ANXA6: variants seen among roughly 807,000 people sequenced by gnomAD.
The protein encoded by ANXA6 is 67 kDa calelectrin.
A neutral mutation model predicts 95.4 loss-of-function variants in ANXA6; 71 were observed. The ratio of observed to expected loss-of-function variants is 0.74; its 90% CI spans 0.61 to 0.91. The LOEUF is 0.91. ANXA6 is among the 40% of genes least tolerant of loss of function. The pLI is 0.00. For missense variants in ANXA6, 830 were observed against 876.4 expected (o/e 0.95, Z 0.67); for synonymous variants, 289 against 315.9 (o/e 0.91, Z 0.90).
intron 10 of ANXA6, among the ~76,000 whole-genome samples, 168 bp downstream of exon 10, chr5:151,132,308 A>C (rs896141627): frequency 1.3e-5 from 2 of 152,148 alleles, no homozygotes; most frequent in Non-Finnish European, 2.9e-5. Flanking sequence ...TCCCGTCCCC[A>C]GCCTCAGCCA....
intron 5 of ANXA6, 36 bp downstream of exon 5, chr5:151,138,642 C>G (rs879010036): frequency 1.3e-6 from 2 of 1,492,012 alleles, no homozygotes; most frequent in African/African-American, 2.7e-5. Flanking sequence ...TTAACCACAT[C>G]CCCACCCCAA....
At chr5:151,124,134 T>C (rs951525202) in intron 15 of ANXA6, among the ~76,000 whole-genome samples, 152 bp downstream of exon 15, 2 of 152,156 alleles carry the variant, frequency 1.3e-5, no homozygotes, top group African/African-American at 4.8e-5. Context: ...CTCTATACTC[T>C]GGGAGCTAGG....
At chr5:151,136,137 C>G in intron 7 of ANXA6, 119 bp downstream of exon 7, 1 of 871,992 alleles carries the variant, frequency 1.1e-6, no homozygotes, top group Admixed American at 2.3e-5. Context: ...TAGCCAAATA[C>G]ACCTGCCTGT....
chr5:151,102,144 T>C (rs755694300), intron 25 of ANXA6, among the ~76,000 whole-genome samples: 3 of 152,196 alleles, frequency 2.0e-5, no homozygotes, highest in Non-Finnish European at 4.4e-5. Context: ...ACCCATGGTA[T>C]GGTATGGATC....
rs1319601322 is a variant in ANXA6 at position 151,128,058 on chromosome 5, G to A, written c.977+123C>T. On this transcript the variant is annotated intron_variant, in intron 13 of 25. Transcript: ENST00000354546. ...AGCAAAAGCCGCCTTTCACTTGTGCGACGCTCCTGGCTCAGGGGAATCCCC... is the reference window on the plus strand; with the variant it reads ...AGCAAAAGCCGCCTTTCACTTGTGCAACGCTCCTGGCTCAGGGGAATCCCC... The A allele has an allele frequency of 7.9e-5, 66 of 837,116 alleles. 1 individual carries two copies. The East Asian group carries it at 1.6e-3, about 20-fold the overall frequency. The allele number at this position is 837,116 out of a possible 1,614,324, so 51.9% of individuals were successfully genotyped here. A position where few individuals can be genotyped will look rare whatever the true frequency, so the allele number is the denominator to read the frequency against.
intron 11 of ANXA6, 147 bp downstream of exon 11, chr5:151,131,084 A>G (rs1405733747): frequency 1.3e-6 from 1 of 754,056 alleles, no homozygotes; most frequent in Non-Finnish European, 2.2e-6. Context: ...CTGGCTCTAC[A>G]GCTCACCTGC....
At chr5:151,145,825 C>T (rs1370708514) in intron 2 of ANXA6, among the ~76,000 whole-genome samples, 1 of 152,156 alleles carries the variant, frequency 6.6e-6, no homozygotes, top group Non-Finnish European at 1.5e-5. Flanking sequence ...ATTACTTTTA[C>T]TCCCCTGAGC....
At chr5:151,142,192 A>T (rs1037068005) in intron 2 of ANXA6, among the ~76,000 whole-genome samples, 2 of 152,246 alleles carry the variant, frequency 1.3e-5, no homozygotes, top group African/African-American at 4.8e-5. Context: ...TGGAGAAACA[A>T]GAGGTGCCTG....
chr5:151,157,609 T>G (rs975952976), intron 1 of ANXA6, 71 bp downstream of exon 1: 2 of 152,782 alleles, frequency 1.3e-5, no homozygotes, highest in Admixed American at 1.3e-4. Context: ...GGGCGCTTAT[T>G]TCTTGTGTCC....
At chr5:151,143,637 T>C in intron 2 of ANXA6, among the ~76,000 whole-genome samples, 1 of 152,030 alleles carries the variant, frequency 6.6e-6, no homozygotes, top group South Asian at 2.1e-4. Context: ...GATACGATGC[T>C]AAGGGCAGCA....
At chr5:151,145,469 G>A (rs140736634) in intron 2 of ANXA6, among the ~76,000 whole-genome samples, 73 of 152,304 alleles carry the variant, frequency 4.8e-4, no homozygotes, top group African/African-American at 1.6e-3. Context: ...GTCTTCCATG[G>A]CACCATCCTA....
In ANXA6 at chr5:151,128,190, C is replaced by T. The variant is rs780502990; in HGVS notation, c.968G>A (p.Gly323Glu). 7 of 1,612,260 alleles carry T rather than the reference C, an allele frequency of 4.3e-6. No homozygotes were observed. The highest frequency in any genetic ancestry group is 1.6e-4 in the Middle Eastern group (1 of 6,062). ...YKKTLLKLSG[G>E]DDDAAGQFFP... Reference sequence around the variant, plus strand: ...CCAAGAAGCCACTTACTCATCATCTCCCCCAGACAGCTTCAGCAGAGTCTT... The same window carrying T: ...CCAAGAAGCCACTTACTCATCATCTTCCCCAGACAGCTTCAGCAGAGTCTT... Residue 323 changes from glycine (G) to glutamate (E), a missense_variant, in exon 13 of 26, where the codon GGA (glycine) becomes GAA (glutamate). Coordinates refer to ENST00000354546, the MANE Select transcript of ANXA6 (RefSeq NM_001155.5).
At chr5:151,143,089 G>A (rs1319388659) in intron 2 of ANXA6, among the ~76,000 whole-genome samples, 6 of 152,228 alleles carry the variant, frequency 3.9e-5, no homozygotes, top group Non-Finnish European at 7.3e-5. Flanking sequence ...AAATGAGGAA[G>A]GTAGGTCTAT....
intron 1 of ANXA6, among the ~76,000 whole-genome samples, chr5:151,157,455 A>T (rs1416091390): frequency 6.6e-6 from 1 of 150,844 alleles, no homozygotes; most frequent in African/African-American, 2.4e-5. Flanking sequence ...CCCCCTAGCC[A>T]GGGCGCCCTC....
intron 18 of ANXA6, among the ~76,000 whole-genome samples, chr5:151,118,320 G>C (rs991955446): frequency 6.6e-6 from 1 of 151,450 alleles, no homozygotes; most frequent in African/African-American, 2.4e-5. Context: ...AGTGCAGTTG[G>C]CATGATCAAG....
At chr5:151,124,527 C>A (rs1044731722) in intron 14 of ANXA6, among the ~76,000 whole-genome samples, 160 bp from the exon 15 acceptor site, 1 of 150,144 alleles carries the variant, frequency 6.7e-6, no homozygotes, top group Non-Finnish European at 1.5e-5. Context: ...ACAGACCCTG[C>A]ACGAGAGCTG....
chr5:151,122,436 A>G (rs1169327771), intron 16 of ANXA6, among the ~76,000 whole-genome samples, 176 bp from the exon 17 acceptor site: 1 of 152,158 alleles, frequency 6.6e-6, no homozygotes, highest in Non-Finnish European at 1.5e-5. Flanking sequence ...GTAGGGAAAA[A>G]ACAACCAGGA....
chr5:151,148,690 C>G (rs548864445), intron 1 of ANXA6, among the ~76,000 whole-genome samples: 1 of 152,286 alleles, frequency 6.6e-6, no homozygotes, highest in African/African-American at 2.4e-5. Flanking sequence ...AAAGACAAGG[C>G]TTGGTCAGGA....
chr5:151,122,944 C>A lies in ANXA6; in HGVS notation c.1206G>T (p.Arg402=). The A allele has an allele frequency of 1.2e-6, 2 of 1,613,938 alleles. No individual in the cohort carries two copies. Among genetic ancestry groups the A allele is most frequent in the Non-Finnish European group, 1.7e-6 (2 of 1,179,878 alleles). ...GGCCAAAGTGAGACTTGAAGGTCTG[C>A]CGGATCTGCTGCCGCTGGACATTGC... ...HRSNVQRQQI[R]QTFKSHFGRD... is the part of the protein sequence containing the mutation. Residue 402 remains arginine (R), a synonymous_variant, in exon 16 of 26, where the codon CGG becomes CGT. Transcript: ENST00000354546.
Sources: allele counts gnomAD v4.1 joint callset (sites outside exome capture counted in the v4.1 genomes callset), GRCh38; gene constraint gnomAD v4.1.1; transcripts MANE v1.5; gene names NCBI Gene and HGNC (gene_info 2026-07-23, HGNC 2026-07-21).